Variants in VSTM2L observed in about 807,000 individuals in gnomAD.
The protein encoded by VSTM2L is V-set and transmembrane domain-containing protein 2-like protein.
VSTM2L carries 9 observed loss-of-function variants against 19.9 expected under a neutral mutation model. The ratio of observed to expected loss-of-function variants is 0.45; its 90% CI spans 0.27 to 0.79. The LOEUF (loss-of-function observed/expected upper bound fraction) is 0.79. VSTM2L is among the 30% of genes least tolerant of loss of function. VSTM2L has a pLI of 0.15. For missense variants in VSTM2L, 286 were observed against 295.5 expected, an observed-to-expected ratio of 0.97 and a Z score of 0.24; for synonymous variants, 127 against 133.8, an observed-to-expected ratio of 0.95 and a Z score of 0.35.
chr20:37,930,179 T>A (rs1000021314), intron 1 of VSTM2L, among the ~76,000 whole-genome samples: 1 of 152,244 alleles, frequency 6.6e-6, no homozygotes, highest in South Asian at 2.1e-4. Flanking sequence ...CAAGTAGGGC[T>A]GCACATGGAA....
At position 37,944,305 on chromosome 20, in the gene VSTM2L, A is replaced by C. The variant is rs1343613235; in HGVS notation, c.*52A>C. ...GCCCCCACGCTGTACAGAGTGCATG[A>C]GGAGCCGCCGGACCACCGGGGACCG... is the stretch of plus-strand genomic sequence containing the variant. On this transcript the variant is annotated 3_prime_UTR_variant, in exon 4 of 4. Transcript: ENST00000373461. The C allele has an allele frequency of 7.2e-7, 1 of 1,388,286 alleles. No homozygotes were observed. Among genetic ancestry groups the C allele is most frequent in the Admixed American group, 2.9e-5 (1 of 34,220 alleles). 86.0% of individuals were successfully genotyped at this position (1,388,286 alleles called of 1,614,324 possible).
At chr20:37,936,607 A>G (rs570254760) in intron 3 of VSTM2L, among the ~76,000 whole-genome samples, 4 of 152,168 alleles carry the variant, frequency 2.6e-5, no homozygotes, top group Admixed American at 6.5e-5. Context: ...CTGGGTGGCC[A>G]TGTTAGCCTT....
chr20:37,941,326 T>C (rs2072970540), intron 3 of VSTM2L, among the ~76,000 whole-genome samples: 1 of 151,640 alleles, frequency 6.6e-6, no homozygotes, highest in Non-Finnish European at 1.5e-5. Context: ...GAGGTGACAT[T>C]TAGGATGAAT....
chr20:37,937,222 T>G (rs553732339), intron 3 of VSTM2L, among the ~76,000 whole-genome samples: 1 of 152,224 alleles, frequency 6.6e-6, no homozygotes, highest in South Asian at 2.1e-4. Context: ...AGGACAGGCA[T>G]CTGTAATAAA....
intron 1 of VSTM2L, among the ~76,000 whole-genome samples, chr20:37,914,431 T>TATATGTGTGTAGGGGTGTAGG (rs375029553): frequency 1.4e-3 from 1 of 724 alleles, no homozygotes. Context: ...TATGTGTGTA[T>TATATGTGTGTAGGGGTGTAGG]TGTGTGTATG....
intron 1 of VSTM2L, 119 bp from the exon 2 acceptor site, chr20:37,931,515 CA>C: frequency 1.8e-6 from 2 of 1,102,754 alleles, no homozygotes; most frequent in Non-Finnish European, 2.6e-6. Context: ...CAGGTCACCC[CA>C]CCCCCTCCAC....
chr20:37,912,679 A>G (rs1298987930), intron 1 of VSTM2L, among the ~76,000 whole-genome samples: 2 of 151,978 alleles, frequency 1.3e-5, no homozygotes, highest in Non-Finnish European at 2.9e-5. Flanking sequence ...AGGCTATGGG[A>G]GCATCTGGAA....
intron 1 of VSTM2L, among the ~76,000 whole-genome samples, chr20:37,922,766 G>T (rs1448655609): frequency 6.6e-6 from 1 of 152,190 alleles, no homozygotes; most frequent in African/African-American, 2.4e-5. Context: ...GAGATGGAGG[G>T]AGCTGGGGGC....
chr20:37,943,760 G>C (rs1397623673), intron 3 of VSTM2L, among the ~76,000 whole-genome samples: 1 of 152,170 alleles, frequency 6.6e-6, no homozygotes, highest in Non-Finnish European at 1.5e-5. Context: ...GCTTCATGCA[G>C]GGAACCGGCC....
intron 1 of VSTM2L, among the ~76,000 whole-genome samples, chr20:37,929,795 G>A (rs1187131331): frequency 6.6e-6 from 1 of 152,082 alleles, no homozygotes; most frequent in African/African-American, 2.4e-5. Flanking sequence ...CTGAATGTGG[G>A]AAGGGAGAGT....
intron 1 of VSTM2L, among the ~76,000 whole-genome samples, chr20:37,931,409 G>A (rs996631844): frequency 2.6e-5 from 4 of 152,192 alleles, no homozygotes; most frequent in Non-Finnish European, 2.9e-5. Context: ...CTCCCTCATC[G>A]CCATCTCATG....
chr20:37,933,892 T>G (rs1203576770), intron 3 of VSTM2L, among the ~76,000 whole-genome samples: 1 of 152,174 alleles, frequency 6.6e-6, no homozygotes, highest in Non-Finnish European at 1.5e-5. Context: ...GGGGAACCAA[T>G]GAGGTCTGAT....
intron 3 of VSTM2L, among the ~76,000 whole-genome samples, chr20:37,933,993 T>TG (rs1314069292): frequency 6.6e-6 from 1 of 152,040 alleles, no homozygotes; most frequent in Non-Finnish European, 1.5e-5. Context: ...GGGGACGGGG[T>TG]GGGGGCACCC....
intron 1 of VSTM2L, among the ~76,000 whole-genome samples, chr20:37,924,561 A>C (rs572867033): frequency 4.2e-4 from 64 of 152,038 alleles, no homozygotes; most frequent in African/African-American, 1.4e-3. Context: ...TCTCAAAAAA[A>C]AAAAAAAAAC....
chr20:37,942,695 C>T lies in VSTM2L; in HGVS notation c.343-1286C>T, dbSNP rs372098149. Reference sequence around the variant, plus strand: ...TGTGCTCTAGGGGGTCACGAGTGTTCCATGCTTTGCTCTGGATGGTGGTTA... The same window carrying T: ...TGTGCTCTAGGGGGTCACGAGTGTTTCATGCTTTGCTCTGGATGGTGGTTA... On this transcript the variant is annotated intron_variant, in intron 3 of 3. Coordinates refer to ENST00000373461, the MANE Select transcript of VSTM2L (RefSeq NM_080607.3). Among the ~76,000 whole-genome samples, 47 of 152,318 alleles carry T rather than the reference C, an allele frequency of 3.1e-4. 2 individuals are homozygous for T. Among genetic ancestry groups the T allele is most frequent in the East Asian group, 2.7e-3 (14 of 5,184 alleles).
At chr20:37,933,277 T>G (rs1196220140) in intron 2 of VSTM2L, among the ~76,000 whole-genome samples, 1 of 152,238 alleles carries the variant, frequency 6.6e-6, no homozygotes, top group African/African-American at 2.4e-5. Flanking sequence ...CAAAGCACCC[T>G]TGTGTATCTA....
chr20:37,944,135 G>T lies in VSTM2L; in HGVS notation c.497G>T (p.Gly166Val). 3 of 1,609,762 alleles carry T rather than the reference G, an allele frequency of 1.9e-6. No homozygotes were observed. Among genetic ancestry groups the T allele is most frequent in the Non-Finnish European group, 2.5e-6 (3 of 1,177,906 alleles). The stretch of plus-strand genomic sequence containing the variant: ...AAGGCCTACCTGCGGGTGCAGCCAG[G>T]GGAGAACTCCGTCCTGCATCTGCCC... ...KVKAYLRVQP[G>V]ENSVLHLPEA... The change falls in exon 4 of 4, where the codon GGG becomes GTG. Residue 166 changes from glycine (G) to valine (V), a missense_variant. Gly to Val is a moderately radical substitution (Grantham distance 109). Transcript: ENST00000373461.
chr20:37,944,435 G>A lies in VSTM2L; in HGVS notation c.*182G>A. 4 of 893,870 alleles carry A rather than the reference G, an allele frequency of 4.5e-6. No individual in the cohort carries two copies. Among genetic ancestry groups the A allele is most frequent in the Non-Finnish European group, 4.5e-6 (3 of 660,140 alleles). The allele number at this position is 893,870 out of a possible 1,614,324, so 55.4% of individuals were successfully genotyped here. A position where few individuals can be genotyped will look rare whatever the true frequency, so the allele number is the denominator to read the frequency against. Reference sequence around the variant, plus strand: ...CAGCATGTAAGCCCCACCCACCCCTGCCCTTTCAGACCCCTGCGGTGACCT... The same window carrying A: ...CAGCATGTAAGCCCCACCCACCCCTACCCTTTCAGACCCCTGCGGTGACCT... On this transcript the variant is annotated 3_prime_UTR_variant, in exon 4 of 4. Coordinates refer to ENST00000373461, the MANE Select transcript of VSTM2L (RefSeq NM_080607.3).
At chr20:37,934,979 C>T (rs984049714) in intron 3 of VSTM2L, among the ~76,000 whole-genome samples, 21 of 152,118 alleles carry the variant, frequency 1.4e-4, no homozygotes, top group Admixed American at 2.6e-4. Context: ...CCGTTTCTGG[C>T]CCAAATACCC....
Sources: gnomAD v4.1 joint callset for allele counts (sites outside exome capture counted in the v4.1 genomes callset) on GRCh38, gnomAD v4.1.1 for gene constraint, MANE v1.5 for transcripts, NCBI Gene and HGNC (gene_info 2026-07-23, HGNC 2026-07-21) for gene names.